Variants in TCF12 observed in about 807,000 individuals in gnomAD.
The protein encoded by TCF12 is transcription factor 12.
In TCF12, 45 loss-of-function variants were observed where a neutral mutation model predicts 86.0. The observed-to-expected ratio is 0.52, with a 90% CI of 0.41 to 0.67. TCF12 has a LOEUF of 0.67. Ranked by LOEUF, TCF12 falls within the 30% of genes least tolerant of loss-of-function variation. TCF12 has a pLI of 0.00. For synonymous variants in TCF12, 330 were observed against 299.6 expected (o/e 1.10, Z -1.05); for missense variants, 881 against 859.9 (o/e 1.02, Z -0.31).
intron 3 of TCF12, among the ~76,000 whole-genome samples, chr15:57,011,487 CTCTGTTCTTTGT>C (rs2064827945): frequency 6.6e-6 from 1 of 152,104 alleles, no homozygotes; most frequent in Non-Finnish European, 1.5e-5. Flanking sequence ...CCAATTAAAC[CTCTGTTCTTTGT>C]AAATTCCTCA....
At chr15:57,229,327 A>G (rs1486992862) in intron 8 of TCF12, among the ~76,000 whole-genome samples, 1 of 151,994 alleles carries the variant, frequency 6.6e-6, no homozygotes, top group Non-Finnish European at 1.5e-5. Context: ...TTAAACCAGA[A>G]AAGTATGCTT....
intron 3 of TCF12, among the ~76,000 whole-genome samples, chr15:56,939,767 T>TA (rs1484454547): frequency 6.6e-6 from 1 of 152,142 alleles, no homozygotes; most frequent in Non-Finnish European, 1.5e-5. Flanking sequence ...CACCGAAACT[T>TA]ACGTTGATTA....
chr15:56,973,043 G>A (rs757755748), intron 3 of TCF12, among the ~76,000 whole-genome samples: 6 of 152,046 alleles, frequency 3.9e-5, no homozygotes, highest in Non-Finnish European at 5.9e-5. Flanking sequence ...TATTTTATGG[G>A]TAATAGAAGC....
intron 8 of TCF12, among the ~76,000 whole-genome samples, chr15:57,206,948 AG>A (rs2057850765): frequency 6.6e-6 from 1 of 151,148 alleles, no homozygotes; most frequent in African/African-American, 2.4e-5. Flanking sequence ...AAAAAAGAAA[AG>A]GAAAAAAAAA....
intron 3 of TCF12, among the ~76,000 whole-genome samples, chr15:57,040,967 A>T (rs942273432): frequency 2.6e-5 from 4 of 152,182 alleles, no homozygotes; most frequent in Admixed American, 6.5e-5. Context: ...CACTGAAAAA[A>T]ATCCCTTTTA....
rs763407852 is a variant in TCF12, at chr15:57,232,610, G to A, written c.826-102G>A. 1.3e-4 allele frequency: 186 copies of A among 1,452,274 alleles called. 1 individual carries two copies. The highest frequency in any genetic ancestry group is 1.3e-3 in the Middle Eastern group (7 of 5,500). The allele number at this position is 1,452,274 out of a possible 1,614,324, so 90.0% of individuals were successfully genotyped here. On this transcript the variant is annotated intron_variant, in intron 10 of 20. Coordinates refer to ENST00000333725, the MANE Select transcript of TCF12 (RefSeq NM_207037.2). ...TGACAATAAGTAGTGCTCTTTAGCT[G>A]TAACTTGTAAATGCTCTTTTTGACC...
At chr15:57,031,808 A>G (rs1419043972) in intron 3 of TCF12, among the ~76,000 whole-genome samples, 1 of 152,218 alleles carries the variant, frequency 6.6e-6, no homozygotes, top group Non-Finnish European at 1.5e-5. Flanking sequence ...AGTTGAGGTC[A>G]TCCCTTGTTA....
intron 8 of TCF12, among the ~76,000 whole-genome samples, chr15:57,230,011 G>C (rs115723134): frequency 1.3e-5 from 2 of 151,780 alleles, no homozygotes; most frequent in African/African-American, 4.8e-5. Context: ...ATATATGCTT[G>C]GGGTAAAATA....
Position 57,284,244 on chromosome 15 carries a change from G to A in TCF12, c.*11+1646G>A, listed in dbSNP as rs867880167. Among the ~76,000 whole-genome samples, 6 of 152,076 alleles carry A rather than the reference G, an allele frequency of 3.9e-5. No individual in the cohort carries two copies. In the South Asian group the frequency reaches 6.2e-4, roughly 16 times the overall value. On this transcript the variant is annotated intron_variant, in intron 20 of 20. Transcript: ENST00000333725. ...TTTTGAGATGGAGTTTGACTCTGTCGCCTGAGCTGGAGTGCAATGGTGTGA... is the reference window on the plus strand; with the variant it reads ...TTTTGAGATGGAGTTTGACTCTGTCACCTGAGCTGGAGTGCAATGGTGTGA...
At chr15:57,219,725 T>C (rs2058495224) in intron 8 of TCF12, 2 of 688,836 alleles carry the variant, frequency 2.9e-6, no homozygotes, top group Non-Finnish European at 4.2e-6. Flanking sequence ...GATTTCTTTT[T>C]TTTTTTTTTT....
chr15:57,000,277 C>T (rs964815223), intron 3 of TCF12, among the ~76,000 whole-genome samples: 13 of 150,208 alleles, frequency 8.7e-5, no homozygotes, highest in African/African-American at 3.0e-4. Context: ...TGGGCTGAAG[C>T]GATCCTCTCG....
intron 6 of TCF12, among the ~76,000 whole-genome samples, chr15:57,172,733 T>C (rs540568489): frequency 1.1e-4 from 17 of 151,732 alleles, no homozygotes; most frequent in Non-Finnish European, 2.1e-4. Context: ...CCGACACGAG[T>C]TTACCTATAT....
At chr15:56,943,677 T>C (rs996745747) in intron 3 of TCF12, among the ~76,000 whole-genome samples, 1 of 152,190 alleles carries the variant, frequency 6.6e-6, no homozygotes, top group African/African-American at 2.4e-5. Context: ...CTAGTTCAAA[T>C]TGTTTAAAAG....
Position 56,971,052 on chromosome 15 carries a change from CACAA to C in TCF12, c.148+49964_148+49967del, listed in dbSNP as rs1485686579. Among the ~76,000 whole-genome samples, 80 of 152,052 alleles carry C rather than the reference CACAA, an allele frequency of 5.3e-4. 1 individual carries two copies. The highest frequency in any genetic ancestry group is 2.8e-3 in the Admixed American group (43 of 15,258). The stretch of plus-strand genomic sequence containing the variant: ...ACAAGAGTTAGACCCTGTCTCAAAA[CACAA>C]ACAAACAAAAAATTGTAAGAAAAAC... On this transcript the variant is annotated intron_variant, in intron 3 of 20. Transcript: ENST00000333725.
intron 3 of TCF12, among the ~76,000 whole-genome samples, chr15:57,045,499 ATAAG>A (rs1418840077): frequency 6.6e-6 from 1 of 152,106 alleles, no homozygotes; most frequent in Non-Finnish European, 1.5e-5. Context: ...ACTTGCTATA[ATAAG>A]TCATTCATGT....
intron 3 of TCF12, among the ~76,000 whole-genome samples, chr15:56,965,879 A>T (rs1049515999): frequency 6.6e-6 from 1 of 152,174 alleles, no homozygotes; most frequent in Admixed American, 6.5e-5. Context: ...AGCATAAGTT[A>T]TATTTATGTG....
intron 8 of TCF12, among the ~76,000 whole-genome samples, chr15:57,216,732 A>G (rs1279876389): frequency 6.6e-6 from 1 of 152,148 alleles, no homozygotes; most frequent in Non-Finnish European, 1.5e-5. Flanking sequence ...GAGCAGAGAA[A>G]AAAAGATTTT....
intron 3 of TCF12, among the ~76,000 whole-genome samples, chr15:56,961,791 T>G (rs898093850): frequency 6.6e-6 from 1 of 152,104 alleles, no homozygotes; most frequent in African/African-American, 2.4e-5. Context: ...GTATAAATGT[T>G]GTATATAAAT....
At chr15:56,960,786 A>G (rs1314999815) in intron 3 of TCF12, among the ~76,000 whole-genome samples, 1 of 152,024 alleles carries the variant, frequency 6.6e-6, no homozygotes, top group East Asian at 1.9e-4. Flanking sequence ...CCTCTCTTTA[A>G]TCATGATTCT....
Sources: gnomAD v4.1 joint callset for allele counts (sites outside exome capture counted in the v4.1 genomes callset) on GRCh38, gnomAD v4.1.1 for gene constraint, MANE v1.5 for transcripts, NCBI Gene and HGNC (gene_info 2026-07-23, HGNC 2026-07-21) for gene names.